TMEM201: variants seen among roughly 807,000 people sequenced by gnomAD.
TMEM201 encodes transmembrane protein 201.
A neutral mutation model predicts 63.4 loss-of-function variants in TMEM201; 26 were observed. That is an observed-to-expected ratio of 0.41 (90% confidence interval 0.30 to 0.57). The LOEUF is 0.57. Among genes scored for constraint, TMEM201 ranks in the 20% least tolerant of loss-of-function variants. TMEM201 has a pLI of 0.29. For synonymous variants in TMEM201, 417 were observed against 421.6 expected (o/e 0.99, Z 0.14); for missense variants, 794 against 917.7 (o/e 0.87, Z 1.74).
chr1:9,595,956 GAACCGC>G lies in TMEM201; in HGVS notation c.184_189del (p.Arg62_Asn63del). On this transcript the variant is annotated inframe_deletion, in exon 2 of 11. Coordinates refer to ENST00000340381, the MANE Select transcript of TMEM201 (RefSeq NM_001130924.3). ...ACCAGGATACGCTGGTGCCCTATGGGAACCGCAACTGCTGGGACTGTCCCCACTGCG... is the reference window on the plus strand; with the variant it reads ...ACCAGGATACGCTGGTGCCCTATGGGAACTGCTGGGACTGTCCCCACTGCG... 1 of 1,613,668 alleles carries G rather than the reference GAACCGC, an allele frequency of 6.2e-7. No homozygotes were observed. The highest frequency in any genetic ancestry group is 1.1e-5 in the South Asian group (1 of 91,068).
rs555141287 is a variant in TMEM201 at position 9,597,509 on chromosome 1, GGGA to G, written c.429+466_429+468del. On this transcript the variant is annotated intron_variant, in intron 3 of 10. Coordinates refer to ENST00000340381, the MANE Select transcript of TMEM201 (RefSeq NM_001130924.3). Reference sequence around the variant, plus strand: ...TTGGTGGAGGATGCCACTGGCTTCTGGGAGGAGGAGGAAGCTAGACATTGCTGA... The same window carrying G: ...TTGGTGGAGGATGCCACTGGCTTCTGGGAGGAGGAAGCTAGACATTGCTGA... Among the ~76,000 whole-genome samples the G allele has an allele frequency of 5.5e-3, 833 of 152,324 alleles. 12 individuals are homozygous for G. Among genetic ancestry groups the G allele is most frequent in the African/African-American group, 0.018 (747 of 41,566 alleles).
At position 9,590,731 on chromosome 1, in the gene TMEM201, A is replaced by G. The variant is rs142279035; in HGVS notation, c.113+1688A>G. ...GCTGTTGATTGGGCCGAGAAGGGCC[A>G]GCCTTTCCCAGGATGCTTTAAGATG... On this transcript the variant is annotated intron_variant, in intron 1 of 10. Transcript: ENST00000340381. Among the ~76,000 whole-genome samples, 592 of 152,306 alleles carry G rather than the reference A, an allele frequency of 3.9e-3. 2 individuals are homozygous for G. Among genetic ancestry groups the G allele is most frequent in the African/African-American group, 0.014 (564 of 41,562 alleles).
chr1:9,609,733 C>A, intron 7 of TMEM201, 107 bp from the exon 8 acceptor site: 1 of 1,131,322 alleles, frequency 8.8e-7, no homozygotes, highest in Non-Finnish European at 1.3e-6. Context: ...CATGAAAGCA[C>A]ATTTGTAAAG....
In TMEM201 at chr1:9,603,163, A is replaced by G; in HGVS notation, c.1160+891A>G. On this transcript the variant is annotated intron_variant, in intron 6 of 10. Transcript: ENST00000340381. This position sits in a 1 kb window ranked among gnomAD's most constrained non-coding sequence, Gnocchi z 4.5. ...GAGCCTCTGCAGGTGCCTGCTCACC[A>G]TGGCCCAGCGCCACTCTGTCCTCCG... 3 of 985,536 alleles carry G rather than the reference A, an allele frequency of 3.0e-6. No homozygotes were observed. The highest frequency in any genetic ancestry group is 1.2e-6 in the Non-Finnish European group (1 of 830,066). The allele number at this position is 985,536 out of a possible 1,614,324, so 61.0% of individuals were successfully genotyped here.
At position 9,607,873 on chromosome 1, in the gene TMEM201, G is replaced by A. The variant is rs60248166; in HGVS notation, c.1393+84G>A. ...GTGGATGGGTACATAGTGTAGGGAG[G>A]GCCGGGAGTGGTTAGTGTTCCTGCT... On this transcript the variant is annotated intron_variant, in intron 7 of 10. Transcript: ENST00000340381. The surrounding 1 kb of genome is among the most constrained non-coding windows in gnomAD (Gnocchi z 5.4). 1.2e-3 allele frequency: 1,579 copies of A among 1,294,814 alleles called. 13 individuals carry two copies. In the African/African-American group the frequency reaches 0.019, roughly 16 times the overall value. 80.2% of individuals were successfully genotyped at this position (1,294,814 alleles called of 1,614,324 possible).
In TMEM201 at chr1:9,589,027, T is replaced by C; in HGVS notation, c.97T>C (p.Tyr33His). 8.7e-7 allele frequency: 1 copy of C among 1,146,228 alleles called. No individual in the cohort carries two copies. 71.0% of individuals were successfully genotyped at this position (1,146,228 alleles called of 1,614,324 possible). ...GTGCGCCGCGGCCGGCGTGTTGCTC[T>C]ACCGGATCGCGCGGAGGTGAGTGCA... ...TACAAAGVLL[Y>H]RIARRMKPTH... Residue 33 changes from tyrosine (Y) to histidine (H), a missense_variant, in exon 1 of 11, where the codon TAC (tyrosine) becomes CAC (histidine). Physicochemically the swap from Tyr to His is moderately conservative, Grantham distance 83. Transcript: ENST00000340381.
At chr1:9,602,829 G>A in intron 6 of TMEM201, 1 of 986,670 alleles carries the variant, frequency 1.0e-6, no homozygotes. Context: ...TGTCCCCTTG[G>A]TCCTGCTTAT....
chr1:9,599,398 T>C (rs1183710826), intron 4 of TMEM201, among the ~76,000 whole-genome samples: 1 of 147,610 alleles, frequency 6.8e-6, no homozygotes, highest in African/African-American at 2.5e-5. Flanking sequence ...CAGGCACGCA[T>C]CACCACAGCC....
chr1:9,611,729 A>T, intron 9 of TMEM201, 24 bp from the exon 10 acceptor site: 3 of 1,551,236 alleles, frequency 1.9e-6, no homozygotes, highest in Non-Finnish European at 2.6e-6. Context: ...AGCGCCACTG[A>T]GAAACACACC....
chr1:9,601,065 G>T lies in TMEM201; in HGVS notation c.607-40G>T, dbSNP rs375911112. 4.5e-4 allele frequency: 694 copies of T among 1,538,972 alleles called. 3 individuals are homozygous for T. In the African/African-American group the frequency reaches 5.0e-3, roughly 11 times the overall value. On this transcript the variant is annotated intron_variant, in intron 4 of 10. Transcript: ENST00000340381. ...ACCGGTGATGGCTGGGGGTGGCTCT[G>T]TGGCCGTCTCACTAACCCGCCTCTC...
In TMEM201 at chr1:9,604,367, T is replaced by G. The variant is rs568800805; in HGVS notation, c.1160+2095T>G. The stretch of plus-strand genomic sequence containing the variant: ...TCTCAGGAGGTAGCTCTCAGCAGAG[T>G]GAGGATTCCTGCCTTTCGTAGAGTT... On this transcript the variant is annotated intron_variant, in intron 6 of 10. Transcript: ENST00000340381. The surrounding 1 kb of genome is among the most constrained non-coding windows in gnomAD (Gnocchi z 4.1). 6 of 985,212 alleles carry G rather than the reference T, an allele frequency of 6.1e-6. No individual in the cohort carries two copies. The highest frequency in any genetic ancestry group is 7.2e-6 in the Non-Finnish European group (6 of 829,884). The allele number at this position is 985,212 out of a possible 1,614,324, so 61.0% of individuals were successfully genotyped here. A position where few individuals can be genotyped will look rare whatever the true frequency, so the allele number is the denominator to read the frequency against.
At chr1:9,601,006 A>C in intron 4 of TMEM201, 99 bp from the exon 5 acceptor site, 1 of 1,064,202 alleles carries the variant, frequency 9.4e-7, no homozygotes, top group Non-Finnish European at 1.4e-6. Context: ...ATGTGTGAGA[A>C]CATGGGTCTG....
Position 9,614,391 on chromosome 1 carries a change from C to A in TMEM201, c.*1308C>A, listed in dbSNP as rs1291714108. The A allele has an allele frequency of 6.7e-6, 1 of 148,486 alleles. No homozygotes were observed. The highest frequency in any genetic ancestry group is 6.7e-5 in the Admixed American group (1 of 14,918). The allele number at this position is 148,486 out of a possible 1,614,324, so 9.2% of individuals were successfully genotyped here. ...TTAAGCTTTGGGTGCTTTTTTAATA[C>A]TTTTTTTTTTAATGTGGGGAAGGAG... is the stretch of plus-strand genomic sequence containing the variant. On this transcript the variant is annotated 3_prime_UTR_variant, in exon 11 of 11. Coordinates refer to ENST00000340381, the MANE Select transcript of TMEM201 (RefSeq NM_001130924.3).
rs181142405 is a variant in TMEM201, at chr1:9,608,540, C to A, written c.1393+751C>A. On this transcript the variant is annotated intron_variant, in intron 7 of 10. Transcript: ENST00000340381. The surrounding 1 kb of genome is among the most constrained non-coding windows in gnomAD (Gnocchi z 4.3). ...TTTGCTTTTCCCCTAAGCAGAGATACCCCCCTATTTTCAGGGCACCCCAGC... is the reference window on the plus strand; with the variant it reads ...TTTGCTTTTCCCCTAAGCAGAGATAACCCCCTATTTTCAGGGCACCCCAGC... 6.6e-6 allele frequency among the ~76,000 whole-genome samples: 1 copy of A among 152,188 alleles called. No homozygotes were observed. Among genetic ancestry groups the A allele is most frequent in the African/African-American group, 2.4e-5 (1 of 41,450 alleles).
chr1:9,601,388 A>G lies in TMEM201; in HGVS notation c.890A>G (p.Gln297Arg), dbSNP rs1053140214. 14 of 1,603,816 alleles carry G rather than the reference A, an allele frequency of 8.7e-6. No individual in the cohort carries two copies. Among genetic ancestry groups the G allele is most frequent in the African/African-American group, 5.3e-5 (4 of 74,930 alleles). The stretch of plus-strand genomic sequence containing the variant: ...GCCTGGGCCTTTGGGCAGAGCCACC[A>G]GACGGGCGTCGTGGCACTGGGCCTA... ...CEAWAFGQSH[Q>R]TGVVALGLLT... Residue 297 changes from glutamine (Q) to arginine (R), a missense_variant, in exon 5 of 11, where the codon CAG (glutamine) becomes CGG (arginine). Gln to Arg is a conservative substitution (Grantham distance 43). Coordinates refer to ENST00000340381, the MANE Select transcript of TMEM201 (RefSeq NM_001130924.3).
At chr1:9,602,781 GA>G in intron 6 of TMEM201, 1 of 994,672 alleles carries the variant, frequency 1.0e-6, no homozygotes, top group Non-Finnish European at 1.2e-6. Context: ...TGGGGCAGCA[GA>G]GAGCCCCAGC....
At position 9,592,785 on chromosome 1, in the gene TMEM201, C is replaced by A. The variant is rs1217743386; in HGVS notation, c.114-3105C>A. On this transcript the variant is annotated intron_variant, in intron 1 of 10. Coordinates refer to ENST00000340381, the MANE Select transcript of TMEM201 (RefSeq NM_001130924.3). ...TTTTTCTTAGGGACCCATCTCCCTC[C>A]GGGCTTCCTCAGGCTTCCCAGGGGC... Among the ~76,000 whole-genome samples the A allele has an allele frequency of 3.3e-5, 5 of 152,328 alleles. 1 individual carries two copies. The South Asian group carries it at 8.3e-4, about 25-fold the overall frequency.
intron 3 of TMEM201, among the ~76,000 whole-genome samples, chr1:9,597,432 G>T (rs911449695): frequency 1.2e-4 from 19 of 152,228 alleles, no homozygotes; most frequent in African/African-American, 4.3e-4. Context: ...ACTCTGTCCT[G>T]TTTCTCTGAA....
Position 9,613,490 on chromosome 1 carries a change from A to C in TMEM201, c.*407A>C. The C allele has an allele frequency of 4.3e-6, 1 of 235,050 alleles. No individual in the cohort carries two copies. Among genetic ancestry groups the C allele is most frequent in the Non-Finnish European group, 8.4e-6 (1 of 118,390 alleles). The allele number at this position is 235,050 out of a possible 1,614,324, so 14.6% of individuals were successfully genotyped here. On this transcript the variant is annotated 3_prime_UTR_variant, in exon 11 of 11. Coordinates refer to ENST00000340381, the MANE Select transcript of TMEM201 (RefSeq NM_001130924.3). ...GCCCCACGCCCACAGGCGTAGTCAC[A>C]TCTTTGTACTGTACTCCCCTGTCTC...
Sources: allele counts gnomAD v4.1 joint callset (sites outside exome capture counted in the v4.1 genomes callset), GRCh38; gene constraint gnomAD v4.1.1; non-coding constraint Gnocchi (gnomAD v3.1); transcripts MANE v1.5; gene names NCBI Gene and HGNC (gene_info 2026-07-23, HGNC 2026-07-21).